Variants in SEC23B observed in about 807,000 individuals in gnomAD.
SEC23B encodes protein transport protein Sec23B.
In SEC23B, 77 loss-of-function variants were observed where a neutral mutation model predicts 104.3. The observed-to-expected ratio is 0.74, with a 90% CI of 0.61 to 0.89. SEC23B has a LOEUF of 0.89. Ranked by LOEUF, SEC23B falls within the 40% of genes least tolerant of loss-of-function variation. The probability of loss-of-function intolerance (pLI) is 0.00; values close to 1 mark genes in which losing one functional copy is unlikely to be tolerated. For missense variants in SEC23B, 885 were observed against 949.4 expected (o/e 0.93, Z 0.89); for synonymous variants, 338 against 332.5 (o/e 1.02, Z -0.18).
At chr20:18,539,203 C>T (rs1334473170) in intron 12 of SEC23B, among the ~76,000 whole-genome samples, 4 of 128,280 alleles carry the variant, frequency 3.1e-5, no homozygotes, top group Non-Finnish European at 4.9e-5. Context: ...CAGAGCAAGA[C>T]TCCGTCTAAA....
intron 19 of SEC23B, among the ~76,000 whole-genome samples, chr20:18,558,761 T>A (rs2060464861): frequency 1.3e-5 from 2 of 152,226 alleles, no homozygotes; most frequent in Non-Finnish European, 2.9e-5. Context: ...ACTTCTTTCC[T>A]GGGACCTTGT....
At chr20:18,542,738 G>A (rs2060299205) in intron 13 of SEC23B, among the ~76,000 whole-genome samples, 1 of 152,114 alleles carries the variant, frequency 6.6e-6, no homozygotes, top group Admixed American at 6.6e-5. Flanking sequence ...ATGCTCAAGT[G>A]ATCCTCCCAC....
At chr20:18,554,435 A>G (rs2060417025) in intron 18 of SEC23B, 45 bp downstream of exon 18, 2 of 1,597,936 alleles carry the variant, frequency 1.3e-6, no homozygotes, top group Non-Finnish European at 8.6e-7. Context: ...TCGTTTTATG[A>G]TAGATTGTTA....
At position 18,526,403 on chromosome 20, in the gene SEC23B, A is replaced by G. The variant is rs2060134267; in HGVS notation, c.865A>G (p.Met289Val). 1.2e-6 allele frequency: 2 copies of G among 1,614,118 alleles called. No homozygotes were observed. The highest frequency in any genetic ancestry group is 2.7e-5 in the African/African-American group (2 of 74,960). The stretch of plus-strand genomic sequence containing the variant: ...TTTTCCAAACACAGGAGCCAGGATC[A>G]TGCTGTTTACTGGAGGTCCCCCTAC... ...GTFPNTGARI[M>V]LFTGGPPTQG... Residue 289 changes from methionine to valine, a missense_variant, in exon 8 of 20, where the codon ATG becomes GTG. Met to Val is a conservative substitution (Grantham distance 21). Transcript: ENST00000650089.
At chr20:18,525,745 A>G (rs777743461) in intron 6 of SEC23B, 43 bp from the exon 7 acceptor site, 5 of 1,607,882 alleles carry the variant, frequency 3.1e-6, no homozygotes, top group East Asian at 4.5e-5. Context: ...AGACCAGAGT[A>G]CTTTATTCAA....
intron 3 of SEC23B, among the ~76,000 whole-genome samples, chr20:18,515,298 A>G (rs116334629): frequency 0.011 from 1,665 of 152,308 alleles, 36 homozygotes; most frequent in African/African-American, 0.038. Context: ...GAATAAATAC[A>G]TGGTCATTAC....
At chr20:18,511,887 A>G (rs2059985056) in intron 2 of SEC23B, among the ~76,000 whole-genome samples, 1 of 151,652 alleles carries the variant, frequency 6.6e-6, no homozygotes. Context: ...AAGATGTTAG[A>G]AAAAAATCAT....
At chr20:18,548,495 A>G (rs1224351373) in intron 15 of SEC23B, 114 bp from the exon 16 acceptor site, 1 of 1,000,004 alleles carries the variant, frequency 1.0e-6, no homozygotes. Context: ...CTGTGAAACC[A>G]GAGAGCCCTT....
At chr20:18,511,539 A>G (rs1004036061) in intron 2 of SEC23B, among the ~76,000 whole-genome samples, 6 of 150,658 alleles carry the variant, frequency 4.0e-5, no homozygotes, top group Admixed American at 2.6e-4. Flanking sequence ...ATAGTGACCT[A>G]TTTCTTTTAA....
chr20:18,525,889 G>A lies in SEC23B; in HGVS notation c.791G>A (p.Arg264Gln), dbSNP rs148239360. The A allele has an allele frequency of 5.2e-5, 84 of 1,614,066 alleles. No individual in the cohort carries two copies. Among genetic ancestry groups the A allele is most frequent in the Non-Finnish European group, 6.4e-5 (75 of 1,180,050 alleles). ...WPVTQGKRPL[R>Q]STGVALSIAV... ...GTAACTCAGGGGAAGAGACCTTTGC[G>A]ATCCACTGGTGTGGCTTTGTCCATT... The change falls in exon 7 of 20, where the codon CGA becomes CAA. Residue 264 changes from arginine to glutamine, a missense_variant. By Grantham distance (43) the Arg-to-Gln change is conservative. Transcript: ENST00000650089.
intron 4 of SEC23B, among the ~76,000 whole-genome samples, chr20:18,521,063 T>C (rs1017236741): frequency 2.6e-5 from 4 of 152,244 alleles, no homozygotes; most frequent in African/African-American, 9.6e-5. Flanking sequence ...TGAAGCAAGC[T>C]CCTGCGGGAG....
intron 9 of SEC23B, 116 bp from the exon 10 acceptor site, chr20:18,530,564 C>G: frequency 8.5e-7 from 1 of 1,179,656 alleles, no homozygotes; most frequent in Non-Finnish European, 1.2e-6. Context: ...TAATCAGTGG[C>G]TCTTTTGGGG....
At chr20:18,508,716 C>CTTTTTTTTTTTTTTTTTTTTT (rs398035473) in intron 1 of SEC23B, among the ~76,000 whole-genome samples, 16 of 97,488 alleles carry the variant, frequency 1.6e-4, no homozygotes, top group African/African-American at 6.6e-4. Context: ...GCAGTAGCTT[C>CTTTTTTTTTTTTTTTTTTTTT]TTTTTTTTTT....
Position 18,515,688 on chromosome 20 carries a change from A to C in SEC23B, c.318A>C (p.Gln106His), listed in dbSNP as rs199815470. ...PAYGGISEVN[Q>H]PAELMPQFST... ...ATGGAGGCATATCTGAGGTGAATCA[A>C]CCTGCCGAATTGATGCCCCAGTTTT... is the stretch of plus-strand genomic sequence containing the variant. Residue 106 changes from glutamine (Q) to histidine (H), a missense_variant, in exon 4 of 20, where the codon CAA becomes CAC. Coordinates refer to ENST00000650089, the MANE Select transcript of SEC23B (RefSeq NM_006363.6). 2 of 1,612,748 alleles carry C rather than the reference A, an allele frequency of 1.2e-6. No individual in the cohort carries two copies. The highest frequency in any genetic ancestry group is 2.7e-5 in the African/African-American group (2 of 75,026).
intron 16 of SEC23B, 152 bp from the exon 17 acceptor site, chr20:18,550,937 T>C: frequency 1.5e-6 from 1 of 676,930 alleles, no homozygotes; most frequent in Non-Finnish European, 2.7e-6. Flanking sequence ...TGGAAGTATG[T>C]CAGGAAGAAA....
chr20:18,544,497 G>A (rs2060315023), intron 14 of SEC23B, among the ~76,000 whole-genome samples: 1 of 152,202 alleles, frequency 6.6e-6, no homozygotes, highest in African/African-American at 2.4e-5. Flanking sequence ...GCAGGAATGA[G>A]CCTGCAGGAG....
intron 12 of SEC23B, among the ~76,000 whole-genome samples, chr20:18,540,265 G>GT (rs1257114874): frequency 2.6e-5 from 4 of 152,214 alleles, no homozygotes; most frequent in African/African-American, 9.6e-5. Flanking sequence ...TTCATGGGAT[G>GT]CAGAACGGAT....
intron 12 of SEC23B, among the ~76,000 whole-genome samples, chr20:18,539,088 C>T (rs1362473438): frequency 4.0e-5 from 6 of 151,112 alleles, no homozygotes; most frequent in Non-Finnish European, 7.4e-5. Flanking sequence ...TGGTGCACAC[C>T]TATAATCCCA....
At chr20:18,536,202 A>G (rs1024414169) in intron 12 of SEC23B, among the ~76,000 whole-genome samples, 3 of 152,230 alleles carry the variant, frequency 2.0e-5, no homozygotes, top group Non-Finnish European at 4.4e-5. Flanking sequence ...CTACCACAAT[A>G]AAGTGAATAT....
Sources: allele counts gnomAD v4.1 joint callset (sites outside exome capture counted in the v4.1 genomes callset), GRCh38; gene constraint gnomAD v4.1.1; transcripts MANE v1.5; gene names NCBI Gene and HGNC (gene_info 2026-07-23, HGNC 2026-07-21).